The following NXPE2 variants were observed in gnomAD, a reference collection of about 807,000 sequenced individuals.
The protein encoded by NXPE2 is neurexophilin and PC-esterase domain family member 2, also known as NXPE family member 2.
NXPE2 carries 34 observed loss-of-function variants against 34.4 expected under a neutral mutation model. The ratio of observed to expected loss-of-function variants is 0.99; its 90% CI spans 0.75 to 1.31. The LOEUF (loss-of-function observed/expected upper bound fraction) is 1.31, where lower values mean the gene tolerates loss of function less well. Ranked by LOEUF, NXPE2 falls within the 40% of genes most tolerant of loss-of-function variation. The pLI is 0.00. For missense variants in NXPE2, 649 were observed against 672.5 expected (o/e 0.97, Z 0.39); for synonymous variants, 235 against 231.3 (o/e 1.02, Z -0.15).
At chr11:114,738,023 G>T in the NXPE2 span, among the ~76,000 whole-genome samples, 1 of 152,164 alleles carries the variant, frequency 6.6e-6, no homozygotes, top group East Asian at 1.9e-4. Context: ...GGGGGCGGAG[G>T]CTGCGGTGAG....
At chr11:114,617,315 G>A in the NXPE2 span, among the ~76,000 whole-genome samples, 1 of 151,634 alleles carries the variant, frequency 6.6e-6, no homozygotes, top group Non-Finnish European at 1.5e-5. Context: ...ACTAAGTTTT[G>A]CCTCGTGGGT....
chr11:114,722,972 A>G, the NXPE2 span, among the ~76,000 whole-genome samples: 1 of 152,232 alleles, frequency 6.6e-6, no homozygotes, highest in Non-Finnish European at 1.5e-5. Flanking sequence ...ATGTTGAGAA[A>G]AAAGGAACTT....
At chr11:114,555,668 C>A in the NXPE2 span, among the ~76,000 whole-genome samples, 6 of 152,200 alleles carry the variant, frequency 3.9e-5, no homozygotes, top group Non-Finnish European at 7.3e-5. Context: ...CCTGTGCATG[C>A]CCCGCTGCCC....
At chr11:114,485,521 C>T in the NXPE2 span, among the ~76,000 whole-genome samples, 124 of 151,614 alleles carry the variant, frequency 8.2e-4, no homozygotes, top group African/African-American at 2.3e-3. Flanking sequence ...TGAACCACCA[C>T]GCCTGGCCAT....
At chr11:114,580,099 G>T in the NXPE2 span, 2 of 1,528,856 alleles carry the variant, frequency 1.3e-6, no homozygotes, top group Non-Finnish European at 1.8e-6. Flanking sequence ...GTTTCTGAAA[G>T]GGGTAAGAAT....
chr11:114,611,762 T>G, the NXPE2 span, among the ~76,000 whole-genome samples: 1 of 151,818 alleles, frequency 6.6e-6, no homozygotes, highest in East Asian at 1.9e-4. Context: ...TATTGCCTCA[T>G]GGGTAACCAC....
the NXPE2 span, among the ~76,000 whole-genome samples, chr11:114,715,106 G>T: frequency 6.6e-6 from 1 of 152,174 alleles, no homozygotes; most frequent in Non-Finnish European, 1.5e-5. Flanking sequence ...ACTGGTTGAG[G>T]ATAGATTATT....
the NXPE2 span, among the ~76,000 whole-genome samples, chr11:114,511,750 C>T: frequency 6.6e-6 from 1 of 152,110 alleles, no homozygotes; most frequent in Non-Finnish European, 1.5e-5. Flanking sequence ...TGGTGCCCTC[C>T]CTGTGGCTTT....
chr11:114,494,929 C>T, the NXPE2 span, among the ~76,000 whole-genome samples: 8 of 152,198 alleles, frequency 5.3e-5, no homozygotes, highest in African/African-American at 1.9e-4. Context: ...TTAGGGCACA[C>T]CCTAAACCCA....
At chr11:114,663,584 A>G in the NXPE2 span, among the ~76,000 whole-genome samples, 8 of 139,522 alleles carry the variant, frequency 5.7e-5, no homozygotes, top group East Asian at 1.7e-3. Flanking sequence ...ATCTCTATCT[A>G]TCATCTATCT....
chr11:114,617,502 T>C, the NXPE2 span, among the ~76,000 whole-genome samples: 1 of 152,148 alleles, frequency 6.6e-6, no homozygotes, highest in Non-Finnish European at 1.5e-5. Flanking sequence ...GTAACCACTG[T>C]TAACCGGTGG....
the NXPE2 span, among the ~76,000 whole-genome samples, chr11:114,465,559 T>G: frequency 6.6e-6 from 1 of 152,318 alleles, no homozygotes; most frequent in East Asian, 1.9e-4. Context: ...GGAAGAGGGC[T>G]ATGCAGGAAG....
At chr11:114,576,299 T>A in the NXPE2 span, among the ~76,000 whole-genome samples, 1 of 152,066 alleles carries the variant, frequency 6.6e-6, no homozygotes, top group African/African-American at 2.4e-5. Context: ...AGGCAAAAAC[T>A]TTATGACCAA....
the NXPE2 span, among the ~76,000 whole-genome samples, chr11:114,632,442 T>C: frequency 7.7e-6 from 1 of 130,542 alleles, no homozygotes; most frequent in Non-Finnish European, 1.6e-5. Flanking sequence ...ATATATAATA[T>C]ATAATTTATA....
chr11:114,805,760 C>T, the NXPE2 span, among the ~76,000 whole-genome samples: 1 of 152,220 alleles, frequency 6.6e-6, no homozygotes, highest in Non-Finnish European at 1.5e-5. Context: ...TAGGCTCCAC[C>T]TCTGGGGGCA....
the NXPE2 span, among the ~76,000 whole-genome samples, chr11:114,636,600 A>G: frequency 8.6e-5 from 13 of 151,916 alleles, no homozygotes; most frequent in East Asian, 2.5e-3. Flanking sequence ...GTGGGCATTT[A>G]GTGCTATAAA....
chr11:114,603,440 G>C, the NXPE2 span, among the ~76,000 whole-genome samples: 3 of 150,172 alleles, frequency 2.0e-5, no homozygotes, highest in African/African-American at 7.4e-5. Flanking sequence ...CGTCTCCTAG[G>C]TAAATTCCAT....
the NXPE2 span, chr11:114,583,902 G>A: frequency 5.1e-6 from 2 of 392,466 alleles, no homozygotes; most frequent in Non-Finnish European, 5.0e-6. Context: ...ATTGGGGCTG[G>A]CAAAGGCAGA....
the NXPE2 span, among the ~76,000 whole-genome samples, chr11:114,785,002 C>T: frequency 6.6e-6 from 1 of 151,720 alleles, no homozygotes; most frequent in Non-Finnish European, 1.5e-5. Context: ...CAAAACTGAC[C>T]AGTCTTATTT....
Sources: allele counts gnomAD v4.1 joint callset (sites outside exome capture counted in the v4.1 genomes callset), GRCh38; gene constraint gnomAD v4.1.1; transcripts MANE v1.5; gene names NCBI Gene and HGNC (gene_info 2026-07-23, HGNC 2026-07-21).